Variants in SRRM4 observed in about 807,000 individuals in gnomAD.
SRRM4 encodes the protein serine/arginine repetitive matrix protein 4.
In SRRM4, 33 loss-of-function variants were observed where a neutral mutation model predicts 68.9. The observed-to-expected ratio is 0.48, with a 90% CI of 0.36 to 0.64. The LOEUF is 0.64. SRRM4 is among the 30% of genes least tolerant of loss of function. The pLI, the probability that SRRM4 is intolerant of heterozygous loss-of-function variation, is 0.00. For synonymous variants in SRRM4, 318 were observed against 318.8 expected, an observed-to-expected ratio of 1.00 and a Z score of 0.03; for missense variants, 817 against 827.1, an observed-to-expected ratio of 0.99 and a Z score of 0.15.
chr12:119,010,520 G>A (rs917611885), intron 1 of SRRM4, among the ~76,000 whole-genome samples: 5 of 152,164 alleles, frequency 3.3e-5, no homozygotes, highest in Non-Finnish European at 7.3e-5. Flanking sequence ...CCTCCAGATC[G>A]ATTAAAACTA....
At chr12:119,023,540 A>G (rs7308063) in intron 1 of SRRM4, among the ~76,000 whole-genome samples, 1 of 152,014 alleles carries the variant, frequency 6.6e-6, no homozygotes, top group South Asian at 2.1e-4. Flanking sequence ...TGTCCTAGGC[A>G]AGCAGAGCTT....
chr12:119,117,054 G>C, intron 4 of SRRM4, 46 bp downstream of exon 4: 3 of 1,560,998 alleles, frequency 1.9e-6, no homozygotes, highest in Non-Finnish European at 2.6e-6. Context: ...AGGTGGGGTG[G>C]GGAGGACAGT....
At chr12:119,007,804 C>T (rs373081477) in intron 1 of SRRM4, among the ~76,000 whole-genome samples, 5 of 152,170 alleles carry the variant, frequency 3.3e-5, no homozygotes, top group South Asian at 4.2e-4. Flanking sequence ...CAGACCAATC[C>T]CACTCCAAGA....
chr12:119,060,559 T>C (rs1218391609), intron 1 of SRRM4, among the ~76,000 whole-genome samples: 2 of 151,670 alleles, frequency 1.3e-5, no homozygotes, highest in Non-Finnish European at 2.9e-5. Context: ...GGCAGTCAGG[T>C]CTCTGAGTGT....
chr12:119,151,765 T>TCC (rs1954441218), intron 10 of SRRM4, among the ~76,000 whole-genome samples: 1 of 152,154 alleles, frequency 6.6e-6, no homozygotes, highest in Non-Finnish European at 1.5e-5. Flanking sequence ...ATGAGGTCTC[T>TCC]CCTCCTCCAG....
rs537142208 is a variant in SRRM4, at chr12:119,033,254, T to C, written c.131+51241T>C. Reference sequence around the variant, plus strand: ...GCAATATACAACAAATACCAAAATTTTGCCACATTTGCTTCATCTTTTTCT... The same window carrying C: ...GCAATATACAACAAATACCAAAATTCTGCCACATTTGCTTCATCTTTTTCT... On this transcript the variant is annotated intron_variant, in intron 1 of 12. Transcript: ENST00000267260. Among the ~76,000 whole-genome samples the C allele has an allele frequency of 3.9e-5, 6 of 152,356 alleles. No individual in the cohort carries two copies. In the South Asian group the frequency reaches 1.2e-3, roughly 32 times the overall value.
chr12:119,111,383 A>C (rs1426176645), intron 2 of SRRM4, among the ~76,000 whole-genome samples: 1 of 152,160 alleles, frequency 6.6e-6, no homozygotes, highest in African/African-American at 2.4e-5. Context: ...CCCATCTCAC[A>C]CACCTCAAAT....
rs145781815 is a variant in SRRM4 at position 119,109,751 on chromosome 12, C to T, written c.279-4527C>T. Among the ~76,000 whole-genome samples the T allele has an allele frequency of 2.0e-3, 306 of 152,246 alleles. 1 individual carries two copies. Among genetic ancestry groups the T allele is most frequent in the African/African-American group, 6.5e-3 (268 of 41,538 alleles). ...TTTTTCAAGGTTTTTAGCTTCTTTGCGATGGGTTCAAACATCCTCCTTTAG... is the reference window on the plus strand; with the variant it reads ...TTTTTCAAGGTTTTTAGCTTCTTTGTGATGGGTTCAAACATCCTCCTTTAG... On this transcript the variant is annotated intron_variant, in intron 2 of 12. Transcript: ENST00000267260.
intron 1 of SRRM4, among the ~76,000 whole-genome samples, chr12:118,987,237 T>C (rs1236817788): frequency 6.6e-6 from 1 of 152,174 alleles, no homozygotes; most frequent in Non-Finnish European, 1.5e-5. Flanking sequence ...AGATAATTTA[T>C]ATAAAGAGCA....
At chr12:119,078,431 C>T (rs1271015279) in intron 1 of SRRM4, among the ~76,000 whole-genome samples, 2 of 152,172 alleles carry the variant, frequency 1.3e-5, no homozygotes, top group African/African-American at 4.8e-5. Flanking sequence ...GTGTTCATTT[C>T]TAAGAGCCCT....
rs780766753 is a variant in SRRM4 at position 119,156,650 on chromosome 12, G to C, written c.1688G>C (p.Arg563Pro). 6.3e-7 allele frequency: 1 copy of C among 1,582,568 alleles called. No homozygotes were observed. The highest frequency in any genetic ancestry group is 8.6e-7 in the Non-Finnish European group (1 of 1,166,132). ...CGGAGCCGGAGCCGGAGACGGAGCC[G>C]GACCCGCACGAGCAGCAGCTCTAGC... ...RSRSRSRRRS[R>P]TRTSSSSSSR... Residue 563 changes from arginine (R) to proline (P), a missense_variant, in exon 13 of 13, where the codon CGG becomes CCG. Transcript: ENST00000267260.
At chr12:119,011,254 T>C (rs868654896) in intron 1 of SRRM4, among the ~76,000 whole-genome samples, 46 of 152,284 alleles carry the variant, frequency 3.0e-4, no homozygotes, top group Middle Eastern at 3.4e-3. Context: ...ATAAACAAAG[T>C]ACTATGAAGA....
chr12:119,103,722 G>A (rs890724489), intron 2 of SRRM4, among the ~76,000 whole-genome samples: 2 of 152,306 alleles, frequency 1.3e-5, no homozygotes, highest in African/African-American at 4.8e-5. Context: ...AAAACATTGG[G>A]CCAGGCATGC....
intron 1 of SRRM4, among the ~76,000 whole-genome samples, chr12:119,053,025 G>T (rs1043408441): frequency 2.0e-5 from 3 of 152,206 alleles, no homozygotes; most frequent in African/African-American, 7.2e-5. Context: ...GTGAGAAAGT[G>T]ATTGTACTTT....
In SRRM4 at chr12:119,127,555, T is replaced by C. The variant is rs551644876; in HGVS notation, c.614+2076T>C. On this transcript the variant is annotated intron_variant, in intron 7 of 12. Transcript: ENST00000267260. The stretch of plus-strand genomic sequence containing the variant: ...TCACCCTGGCCAACATAGTGAAACC[T>C]TGTCTCTATTAAAAATACAAAAATT... Among the ~76,000 whole-genome samples the C allele has an allele frequency of 2.0e-5, 3 of 152,044 alleles. No homozygotes were observed. The South Asian group carries it at 6.2e-4, about 32-fold the overall frequency.
At chr12:119,007,885 T>G (rs1257279065) in intron 1 of SRRM4, among the ~76,000 whole-genome samples, 1 of 152,172 alleles carries the variant, frequency 6.6e-6, no homozygotes, top group Admixed American at 6.5e-5. Flanking sequence ...AGCCCCATCT[T>G]GATTGGCTGT....
At chr12:118,999,564 C>T (rs1953370389) in intron 1 of SRRM4, among the ~76,000 whole-genome samples, 1 of 152,080 alleles carries the variant, frequency 6.6e-6, no homozygotes, top group Non-Finnish European at 1.5e-5. Context: ...TATTTTTTTC[C>T]ATTTCATAAA....
chr12:119,042,645 GGAAGA>G (rs1194215042), intron 1 of SRRM4, among the ~76,000 whole-genome samples: 1 of 151,028 alleles, frequency 6.6e-6, no homozygotes, highest in East Asian at 2.0e-4. Context: ...GAGAGGGAAA[GGAAGA>G]GAAAAGAAAG....
intron 7 of SRRM4, 37 bp downstream of exon 7, chr12:119,125,516 C>A (rs752684548): frequency 4.5e-6 from 7 of 1,572,632 alleles, no homozygotes; most frequent in Non-Finnish European, 6.1e-6. Context: ...CTGTCAGCCA[C>A]AGCCGAGCCC....
Sources: allele counts gnomAD v4.1 joint callset (sites outside exome capture counted in the v4.1 genomes callset), GRCh38; gene constraint gnomAD v4.1.1; transcripts MANE v1.5; gene names NCBI Gene and HGNC (gene_info 2026-07-23, HGNC 2026-07-21).